WNT2B: variants seen among roughly 807,000 people sequenced by gnomAD.
WNT2B encodes Wnt family member 2B, also known as protein Wnt-2b.
Under a neutral mutation model 40.5 loss-of-function variants are expected in WNT2B, and 19 were observed. The ratio of observed to expected loss-of-function variants is 0.47; its 90% CI spans 0.33 to 0.69. The LOEUF is 0.69. Ranked by LOEUF, WNT2B falls within the 30% of genes least tolerant of loss-of-function variation. The pLI, the probability that WNT2B is intolerant of heterozygous loss-of-function variation, is 0.02. For missense variants in WNT2B, 467 were observed against 556.4 expected, an observed-to-expected ratio of 0.84 and a Z score of 1.62; for synonymous variants, 220 against 211.9, an observed-to-expected ratio of 1.04 and a Z score of -0.33.
Position 112,529,233 on chromosome 1 carries a change from T to C in WNT2B, c.*8724T>C, listed in dbSNP as rs1006240204. The C allele has an allele frequency of 3.3e-5, 5 of 152,186 alleles. No homozygotes were observed. Among genetic ancestry groups the C allele is most frequent in the Admixed American group, 3.3e-4 (5 of 15,272 alleles). The allele number at this position is 152,186 out of a possible 1,614,324, so 9.4% of individuals were successfully genotyped here. A position where few individuals can be genotyped will look rare whatever the true frequency, so the allele number is the denominator to read the frequency against. ...CGTGTGCCATATTCTAGGTTTCTGC[T>C]TTACTTAACTGGCAAAATTTGGTGC... On this transcript the variant is annotated 3_prime_UTR_variant, in exon 5 of 5. Coordinates refer to ENST00000369684, the MANE Select transcript of WNT2B (RefSeq NM_024494.3).
chr1:112,488,457 A>G (rs1397707560), intron 1 of WNT2B, among the ~76,000 whole-genome samples: 1 of 151,734 alleles, frequency 6.6e-6, no homozygotes, highest in Non-Finnish European at 1.5e-5. Context: ...TACCTGCCTT[A>G]CCTGCCTTGT....
At chr1:112,484,566 T>C (rs980798034) in intron 1 of WNT2B, among the ~76,000 whole-genome samples, 6 of 151,586 alleles carry the variant, frequency 4.0e-5, no homozygotes, top group Non-Finnish European at 5.9e-5. Context: ...TGTGAGCCAC[T>C]GTGCCTGGCC....
rs1282747931 is a variant in WNT2B at position 112,514,859 on chromosome 1, A to T, written c.183-15A>T. ...AGGTCTGGGATGTTCTGACAGGGCC[A>T]TCTCTGCCTTGCAGGTACATTGGGG... On this transcript the variant is annotated splice_polypyrimidine_tract_variant and intron_variant, in intron 1 of 4. Transcript: ENST00000369684. 6.2e-7 allele frequency: 1 copy of T among 1,613,876 alleles called. No individual in the cohort carries two copies. The highest frequency in any genetic ancestry group is 1.1e-5 in the South Asian group (1 of 91,080).
chr1:112,488,180 C>A (rs1427211735), intron 1 of WNT2B, among the ~76,000 whole-genome samples: 2 of 151,924 alleles, frequency 1.3e-5, no homozygotes, highest in African/African-American at 4.8e-5. Context: ...GCCTAGTAAT[C>A]CCAGCTATTT....
At chr1:112,499,918 G>A (rs1651895690) in intron 1 of WNT2B, among the ~76,000 whole-genome samples, 1 of 152,174 alleles carries the variant, frequency 6.6e-6, no homozygotes, top group Non-Finnish European at 1.5e-5. Flanking sequence ...GTGCACAGTG[G>A]GGAGTACAGT....
chr1:112,501,398 G>C (rs563695093), intron 1 of WNT2B, among the ~76,000 whole-genome samples: 4 of 152,166 alleles, frequency 2.6e-5, no homozygotes, highest in Non-Finnish European at 5.9e-5. Flanking sequence ...ACGATGCATA[G>C]CCCACACTTA....
rs1039447190 is a variant in WNT2B, at chr1:112,493,931, A to T, written c.-94-20943A>T. Among the ~76,000 whole-genome samples the T allele has an allele frequency of 3.7e-5, 4 of 108,312 alleles. No individual in the cohort carries two copies. In the Admixed American group the frequency reaches 4.7e-4, roughly 13 times the overall value. 71.1% of individuals were successfully genotyped at this position (108,312 alleles called of 152,430 possible). A position where few individuals can be genotyped will look rare whatever the true frequency, so the allele number is the denominator to read the frequency against. On this transcript the variant is annotated intron_variant, in intron 1 of 4. Coordinates refer to the WNT2B transcript ENST00000256640. ...GCATATCATATTTAAAACTGCAAAAAATCTAAGACAAAAAAAAAAAAACGA... is the reference window on the plus strand; with the variant it reads ...GCATATCATATTTAAAACTGCAAAATATCTAAGACAAAAAAAAAAAAACGA...
chr1:112,479,339 C>T (rs955743917), intron 1 of WNT2B, among the ~76,000 whole-genome samples: 12 of 151,938 alleles, frequency 7.9e-5, no homozygotes, highest in African/African-American at 2.7e-4. Flanking sequence ...TTTGAGAGGC[C>T]GAGACGGGCT....
In WNT2B at chr1:112,480,935, G is replaced by A. The variant is rs562857736; in HGVS notation, c.-95+13344G>A. On this transcript the variant is annotated intron_variant, in intron 1 of 4. Coordinates refer to the WNT2B transcript ENST00000256640. ...TGTAATCCCAGCACTTTGGGAGGCCGAGGTGGATGGATCACCTGAGGTCGG... is the reference window on the plus strand; with the variant it reads ...TGTAATCCCAGCACTTTGGGAGGCCAAGGTGGATGGATCACCTGAGGTCGG... Among the ~76,000 whole-genome samples, 22 of 152,242 alleles carry A rather than the reference G, an allele frequency of 1.4e-4. No individual in the cohort carries two copies. The South Asian group carries it at 4.3e-3, about 30-fold the overall frequency.
intron 1 of WNT2B, among the ~76,000 whole-genome samples, chr1:112,490,848 C>T (rs181521752): frequency 2.9e-4 from 44 of 152,222 alleles, no homozygotes; most frequent in African/African-American, 1.0e-3. Context: ...TCAAATCCTA[C>T]TCATCTATCA....
intron 4 of WNT2B, among the ~76,000 whole-genome samples, chr1:112,518,909 G>GTAGCAAC (rs1367810726): frequency 1.1e-4 from 16 of 152,204 alleles, no homozygotes; most frequent in Admixed American, 1.3e-4. Context: ...GTCCAATACA[G>GTAGCAAC]TAGCAACTAG....
chr1:112,470,394 G>A (rs1650844276), intron 1 of WNT2B, among the ~76,000 whole-genome samples: 1 of 152,030 alleles, frequency 6.6e-6, no homozygotes, highest in Non-Finnish European at 1.5e-5. Flanking sequence ...TTTGAGACCA[G>A]CCTGGCCAAT....
intron 1 of WNT2B, among the ~76,000 whole-genome samples, chr1:112,514,275 G>A (rs1021235416): frequency 1.1e-4 from 16 of 152,166 alleles, no homozygotes; most frequent in Admixed American, 7.9e-4. Context: ...GAGAGTAGAG[G>A]GTGGGGTCTT....
intron 1 of WNT2B, among the ~76,000 whole-genome samples, chr1:112,500,575 G>C (rs952304046): frequency 6.6e-6 from 1 of 152,056 alleles, no homozygotes; most frequent in Admixed American, 6.6e-5. Context: ...TTCAAGACCA[G>C]CCTGGGCAAC....
intron 1 of WNT2B, chr1:112,490,879 C>T (rs550786359): frequency 2.4e-6 from 2 of 836,300 alleles, no homozygotes; most frequent in Admixed American, 5.1e-5. Flanking sequence ...CAAAATTTAC[C>T]TCTTCCGGAA....
chr1:112,472,608 A>G (rs1457220050), intron 1 of WNT2B, among the ~76,000 whole-genome samples: 2 of 152,032 alleles, frequency 1.3e-5, no homozygotes, highest in African/African-American at 4.8e-5. Context: ...CTAAATAACT[A>G]TGTCTCAGAA....
At chr1:112,506,075 T>C (rs1652097247), upstream of WNT2B, among the ~76,000 whole-genome samples, 1 of 152,194 alleles carries the variant, frequency 6.6e-6, no homozygotes, top group South Asian at 2.1e-4. Flanking sequence ...GGTGCATTCA[T>C]GCCTCACTGC....
chr1:112,517,106 T>G lies in WNT2B; in HGVS notation c.682-15T>G. Reference sequence around the variant, plus strand: ...ACCAGCTACTTCTCCCTTAACTGCCTTCCCCCTCCCCCAGGCTGTGCGGCG... The same window carrying G: ...ACCAGCTACTTCTCCCTTAACTGCCGTCCCCCTCCCCCAGGCTGTGCGGCG... On this transcript the variant is annotated splice_polypyrimidine_tract_variant and intron_variant, in intron 3 of 4. Transcript: ENST00000369684. The G allele has an allele frequency of 6.2e-7, 1 of 1,604,980 alleles. No individual in the cohort carries two copies. The highest frequency in any genetic ancestry group is 2.2e-5 in the East Asian group (1 of 44,646).
intron 4 of WNT2B, chr1:112,518,337 G>C (rs944073368): frequency 1.3e-5 from 2 of 152,202 alleles, no homozygotes; most frequent in Admixed American, 6.5e-5. Flanking sequence ...TACAGGCTCA[G>C]CGTCAGGACT....
Sources: allele counts gnomAD v4.1 joint callset (sites outside exome capture counted in the v4.1 genomes callset), GRCh38; gene constraint gnomAD v4.1.1; transcripts MANE v1.5; gene names NCBI Gene and HGNC (gene_info 2026-07-23, HGNC 2026-07-21).